Variants in GABRR3 observed in about 807,000 individuals in gnomAD.
GABRR3 encodes the protein gamma-aminobutyric acid receptor subunit rho-3.
In GABRR3, 29 loss-of-function variants were observed where a neutral mutation model predicts 43.2. The observed-to-expected ratio is 0.67, with a 90% CI of 0.50 to 0.92. The LOEUF is 0.92. GABRR3 is among the 40% of genes least tolerant of loss of function. The probability of loss-of-function intolerance (pLI) is 0.00; values close to 1 mark genes in which losing one functional copy is unlikely to be tolerated. For missense variants in GABRR3, 576 were observed against 572.3 expected (o/e 1.01, Z -0.07); for synonymous variants, 206 against 195.9 (o/e 1.05, Z -0.43).
intron 7 of GABRR3, among the ~76,000 whole-genome samples, chr3:98,005,374 G>T (rs1244378745): frequency 6.6e-6 from 1 of 151,924 alleles, no homozygotes; most frequent in East Asian, 1.9e-4. Context: ...AATGTATTAT[G>T]GATAAGTCTC....
At chr3:98,032,798 C>T (rs918647404) in intron 2 of GABRR3, among the ~76,000 whole-genome samples, 1 of 152,004 alleles carries the variant, frequency 6.6e-6, no homozygotes, top group Admixed American at 6.6e-5. Context: ...TATAAATCCC[C>T]CTTATAATTT....
At chr3:98,028,163 T>C (rs544893074) in intron 2 of GABRR3, among the ~76,000 whole-genome samples, 2 of 152,322 alleles carry the variant, frequency 1.3e-5, no homozygotes, top group South Asian at 2.1e-4. Flanking sequence ...GATGATTCAC[T>C]TTCTCCAATT....
At chr3:98,001,641 C>T (rs766474256) in exon 8 of GABRR3, 2 of 1,613,060 alleles carry the variant, frequency 1.2e-6, no homozygotes, top group Non-Finnish European at 1.7e-6. Flanking sequence ...AGGAACAGCT[C>T]TTCGGTCAAT....
intron 3 of GABRR3, among the ~76,000 whole-genome samples, chr3:98,019,211 G>T (rs1243213093): frequency 1.3e-5 from 2 of 152,142 alleles, no homozygotes; most frequent in Non-Finnish European, 2.9e-5. Context: ...AGTCTGAAAA[G>T]CTTCCTTAAT....
chr3:98,021,889 T>C (rs1552749), intron 3 of GABRR3, among the ~76,000 whole-genome samples: 14,894 of 152,204 alleles, frequency 0.098, 1,033 homozygotes, highest in East Asian at 0.31. Flanking sequence ...ATATAATATA[T>C]CATCTAATCT....
intron 3 of GABRR3, among the ~76,000 whole-genome samples, chr3:98,024,351 A>G (rs1706984727): frequency 7.8e-6 from 1 of 127,648 alleles, no homozygotes; most frequent in Non-Finnish European, 1.6e-5. Flanking sequence ...TGGGTGACAG[A>G]GTGAGACTCC....
At chr3:98,023,595 G>T (rs1706978162) in intron 3 of GABRR3, among the ~76,000 whole-genome samples, 1 of 152,026 alleles carries the variant, frequency 6.6e-6, no homozygotes, top group Non-Finnish European at 1.5e-5. Context: ...AATTTGGCTG[G>T]GGAAACACAG....
At chr3:97,992,788 C>T (rs1433652050) in intron 9 of GABRR3, 64 bp downstream of exon 9, 1 of 1,416,334 alleles carries the variant, frequency 7.1e-7, no homozygotes, top group East Asian at 2.3e-5. Context: ...CAAGAGAGGG[C>T]AATAGATAAG....
At chr3:98,014,690 T>G (rs1411814296) in intron 4 of GABRR3, among the ~76,000 whole-genome samples, 1 of 152,164 alleles carries the variant, frequency 6.6e-6, no homozygotes, top group Admixed American at 6.5e-5. Flanking sequence ...TCATAGAAGA[T>G]TTTGTTTAGA....
downstream of GABRR3, among the ~76,000 whole-genome samples, chr3:97,986,012 G>A (rs563591084): frequency 1.7e-4 from 26 of 152,106 alleles, no homozygotes; most frequent in Admixed American, 6.5e-4. Flanking sequence ...GACTACAGGC[G>A]TGTGCCACCA....
intron 7 of GABRR3, among the ~76,000 whole-genome samples, chr3:98,002,204 T>C (rs1054891132): frequency 2.0e-5 from 3 of 152,140 alleles, no homozygotes; most frequent in African/African-American, 7.2e-5. Context: ...ACTAGGTCAT[T>C]GGATTTTGAC....
Position 98,008,118 on chromosome 3 carries a change from G to GTA in GABRR3, c.614-216_614-215dup, listed in dbSNP as rs1480847109. 6.6e-5 allele frequency among the ~76,000 whole-genome samples: 10 copies of GTA among 152,292 alleles called. No homozygotes were observed. In the East Asian group the frequency reaches 1.4e-3, roughly 21 times the overall value. On this transcript the variant is annotated intron_variant, in intron 6 of 9. Transcript: ENST00000621172. ...TCTAAAAGTTAGACCCTGATGACTA[G>GTA]TATAGTATGGATCTTGTGCCCACAC...
At chr3:97,990,058 C>T (rs1473557310) in intron 9 of GABRR3, among the ~76,000 whole-genome samples, 1 of 152,186 alleles carries the variant, frequency 6.6e-6, no homozygotes, top group Non-Finnish European at 1.5e-5. Flanking sequence ...CCTATTTCTT[C>T]CAAGGCATCT....
At chr3:98,011,257 T>C (rs1368042299) in intron 5 of GABRR3, among the ~76,000 whole-genome samples, 1 of 152,254 alleles carries the variant, frequency 6.6e-6, no homozygotes, top group Admixed American at 6.5e-5. Flanking sequence ...AGTTTCCTAC[T>C]GCTGCTGTAA....
intron 8 of GABRR3, among the ~76,000 whole-genome samples, chr3:97,997,290 A>C (rs955101422): frequency 6.6e-6 from 1 of 152,196 alleles, no homozygotes; most frequent in Non-Finnish European, 1.5e-5. Flanking sequence ...ATAATGCCGA[A>C]GGACACAATT....
At chr3:98,023,025 G>C (rs758299101) in intron 3 of GABRR3, among the ~76,000 whole-genome samples, 1 of 152,038 alleles carries the variant, frequency 6.6e-6, no homozygotes, top group Non-Finnish European at 1.5e-5. Context: ...TTGGCTCTCC[G>C]TCATCTACAG....
At chr3:98,029,487 C>T (rs1450865263) in intron 2 of GABRR3, among the ~76,000 whole-genome samples, 5 of 152,026 alleles carry the variant, frequency 3.3e-5, no homozygotes, top group Admixed American at 6.6e-5. Flanking sequence ...AGGAAATGCA[C>T]CTAACTCATT....
At chr3:97,987,556 G>T (rs1480326974) in intron 9 of GABRR3, among the ~76,000 whole-genome samples, 2 of 152,188 alleles carry the variant, frequency 1.3e-5, no homozygotes, top group Non-Finnish European at 2.9e-5. Context: ...AACAAATAGA[G>T]AGAGGCTACT....
intron 1 of GABRR3, 76 bp from the exon 2 acceptor site, chr3:98,035,065 CTT>C: frequency 6.6e-7 from 1 of 1,510,630 alleles, no homozygotes; most frequent in Non-Finnish European, 8.9e-7. Context: ...CTTCATGTGT[CTT>C]TTAAAAAACA....
Sources: gnomAD v4.1 joint callset for allele counts (sites outside exome capture counted in the v4.1 genomes callset) on GRCh38, gnomAD v4.1.1 for gene constraint, MANE v1.5 for transcripts, NCBI Gene and HGNC (gene_info 2026-07-23, HGNC 2026-07-21) for gene names.